CD47: variants seen among roughly 807,000 people sequenced by gnomAD.
CD47 encodes the protein leukocyte surface antigen CD47.
Under a neutral mutation model 44.6 loss-of-function variants are expected in CD47, and 11 were observed. The observed-to-expected ratio is 0.25, with a 90% CI of 0.16 to 0.41. The LOEUF (loss-of-function observed/expected upper bound fraction) is 0.41, where lower values mean the gene tolerates loss of function less well. Ranked by LOEUF, CD47 falls within the 10% of genes least tolerant of loss-of-function variation. The probability of loss-of-function intolerance (pLI) is 1.00; values close to 1 mark genes in which losing one functional copy is unlikely to be tolerated. For synonymous variants in CD47, 140 were observed against 136.3 expected (o/e 1.03, Z -0.19); for missense variants, 306 against 386.7 (o/e 0.79, Z 1.75).
chr3:108,072,122 C>T (rs1560014836), intron 2 of CD47, among the ~76,000 whole-genome samples: 1 of 152,126 alleles, frequency 6.6e-6, no homozygotes. Context: ...ACCCCTAAGA[C>T]CATAATTTTA....
intron 1 of CD47, among the ~76,000 whole-genome samples, chr3:108,090,612 C>T (rs1023117525): frequency 6.6e-6 from 1 of 152,152 alleles, no homozygotes; most frequent in Non-Finnish European, 1.5e-5. Flanking sequence ...GATGGAGAAC[C>T]GGGTGGAGGA....
chr3:108,079,862 C>T (rs2079383023), intron 2 of CD47, 129 bp downstream of exon 2: 1 of 610,834 alleles, frequency 1.6e-6, no homozygotes. Context: ...CTAAACATTA[C>T]ATCAACATTT....
At chr3:108,088,271 T>C (rs569310460) in intron 1 of CD47, among the ~76,000 whole-genome samples, 1 of 152,212 alleles carries the variant, frequency 6.6e-6, no homozygotes, top group Non-Finnish European at 1.5e-5. Flanking sequence ...TTAGAATATG[T>C]ATCAATTTGG....
intron 1 of CD47, among the ~76,000 whole-genome samples, chr3:108,083,419 A>G (rs1253099569): frequency 1.3e-5 from 2 of 152,064 alleles, no homozygotes; most frequent in African/African-American, 4.8e-5. Context: ...AAATGCAATC[A>G]ACATTTGTCA....
chr3:108,054,859 A>G (rs1054759719), intron 7 of CD47: 24 of 152,226 alleles, frequency 1.6e-4, no homozygotes, highest in Non-Finnish European at 2.6e-4. Flanking sequence ...GATTTGTATC[A>G]AAACACTATA....
At chr3:108,078,156 T>G (rs1314572714) in intron 2 of CD47, among the ~76,000 whole-genome samples, 3 of 152,092 alleles carry the variant, frequency 2.0e-5, no homozygotes, top group Non-Finnish European at 4.4e-5. Context: ...AAATCAATAA[T>G]TATTTCAAAA....
At chr3:108,083,964 C>T (rs1346452043) in intron 1 of CD47, among the ~76,000 whole-genome samples, 1 of 151,098 alleles carries the variant, frequency 6.6e-6, no homozygotes, top group Non-Finnish European at 1.5e-5. Context: ...CCATTTCTGC[C>T]TCCATACCCA....
chr3:108,090,921 C>G lies in CD47; in HGVS notation c.-13G>C. On this transcript the variant is annotated 5_prime_UTR_variant, in exon 1 of 11. Coordinates refer to ENST00000361309, the MANE Select transcript of CD47 (RefSeq NM_001777.4). ...CCAGGGGCCACATCTCCGCGCCCGC[C>G]GCGGGGTCGCCGCCGCCGCCGCAGG... The G allele has an allele frequency of 6.8e-7, 1 of 1,469,402 alleles. No individual in the cohort carries two copies. The highest frequency in any genetic ancestry group is 9.0e-7 in the Non-Finnish European group (1 of 1,114,512). 91.0% of individuals were successfully genotyped at this position (1,469,402 alleles called of 1,614,324 possible).
chr3:108,072,694 T>C (rs928634291), intron 2 of CD47, among the ~76,000 whole-genome samples: 3 of 152,222 alleles, frequency 2.0e-5, no homozygotes, highest in African/African-American at 7.2e-5. Context: ...CACTTCAGTA[T>C]AGCCTAAAAC....
At chr3:108,060,568 G>A (rs1029466095) in intron 4 of CD47, among the ~76,000 whole-genome samples, 177 bp downstream of exon 4, 1 of 152,150 alleles carries the variant, frequency 6.6e-6, no homozygotes, top group South Asian at 2.1e-4. Flanking sequence ...GTGTGGCCCT[G>A]ATGACGTCCT....
chr3:108,078,370 T>C (rs2079350163), intron 2 of CD47, among the ~76,000 whole-genome samples: 1 of 152,046 alleles, frequency 6.6e-6, no homozygotes, highest in South Asian at 2.1e-4. Flanking sequence ...ATCCTGGCAT[T>C]CCTTTCTCTT....
At chr3:108,079,567 T>TAAAAAAAAAAAAAAAAAAAAAAAAAAAA (rs71629342) in intron 2 of CD47, among the ~76,000 whole-genome samples, 1 of 53,102 alleles carries the variant, frequency 1.9e-5, no homozygotes, top group African/African-American at 1.0e-4. Flanking sequence ...AGTGTAAGGT[T>TAAAAAAAAAAAAAAAAAAAAAAAAAAAA]AAAAAAAAAA....
chr3:108,074,325 T>C (rs892629576), intron 2 of CD47, among the ~76,000 whole-genome samples: 5 of 152,018 alleles, frequency 3.3e-5, no homozygotes, highest in African/African-American at 1.2e-4. Flanking sequence ...CTTTTTTTTT[T>C]ATTTTTGAGA....
chr3:108,055,657 C>T lies in CD47; in HGVS notation c.877+1820G>A, dbSNP rs60831993. 1,238 of 646,182 alleles carry T rather than the reference C, an allele frequency of 1.9e-3. 13 individuals carry two copies. In the African/African-American group the frequency reaches 0.022, roughly 11 times the overall value. 40.0% of individuals were successfully genotyped at this position (646,182 alleles called of 1,614,324 possible). ...CAATAAAATTGCACTAAATTTTAAA[C>T]ATATAGCATAAATTTTAGCATATAG... On this transcript the variant is annotated intron_variant, in intron 7 of 10. Transcript: ENST00000361309.
intron 7 of CD47, chr3:108,052,243 C>T (rs972528362): frequency 1.0e-5 from 3 of 298,832 alleles, no homozygotes; most frequent in African/African-American, 6.7e-5. Flanking sequence ...AAATCAGCCA[C>T]TTGTTACACT....
intron 2 of CD47, among the ~76,000 whole-genome samples, chr3:108,075,470 C>T (rs2079293917): frequency 6.6e-6 from 1 of 152,028 alleles, no homozygotes; most frequent in Non-Finnish European, 1.5e-5. Context: ...ACGCATACAC[C>T]ACAGTAACAT....
chr3:108,050,530 G>T (rs762938517), intron 9 of CD47, 48 bp downstream of exon 9: 12 of 911,606 alleles, frequency 1.3e-5, no homozygotes, highest in Non-Finnish European at 1.9e-5. Context: ...TTGCGGGCCA[G>T]ATCAAATTAT....
chr3:108,063,619 ATG>A (rs2079057168), intron 3 of CD47, among the ~76,000 whole-genome samples: 1 of 152,218 alleles, frequency 6.6e-6, no homozygotes, highest in South Asian at 2.1e-4. Context: ...TATTTATTGA[ATG>A]TATCAAAACA....
intron 3 of CD47, among the ~76,000 whole-genome samples, chr3:108,064,806 C>T (rs1248424650): frequency 6.6e-6 from 1 of 152,144 alleles, no homozygotes; most frequent in Non-Finnish European, 1.5e-5. Flanking sequence ...TATTACAGTG[C>T]TGTTTTCTGA....
Sources: gnomAD v4.1 joint callset for allele counts (sites outside exome capture counted in the v4.1 genomes callset) on GRCh38, gnomAD v4.1.1 for gene constraint, MANE v1.5 for transcripts, NCBI Gene and HGNC (gene_info 2026-07-23, HGNC 2026-07-21) for gene names.